TMEM161B: variants seen among roughly 807,000 people sequenced by gnomAD.
TMEM161B encodes transmembrane protein 161B.
A neutral mutation model predicts 61.8 loss-of-function variants in TMEM161B; 34 were observed. The ratio of observed to expected loss-of-function variants is 0.55; its 90% CI spans 0.42 to 0.73. The LOEUF (loss-of-function observed/expected upper bound fraction) is 0.73, where lower values mean the gene tolerates loss of function less well. TMEM161B is among the 30% of genes least tolerant of loss of function. The pLI is 0.00. For synonymous variants in TMEM161B, 167 were observed against 192.8 expected, an observed-to-expected ratio of 0.87 and a Z score of 1.11; for missense variants, 456 against 558.5, an observed-to-expected ratio of 0.82 and a Z score of 1.85.
At chr5:88,215,325 A>G (rs980584984) in intron 5 of TMEM161B, among the ~76,000 whole-genome samples, 1 of 152,238 alleles carries the variant, frequency 6.6e-6, no homozygotes, top group Non-Finnish European at 1.5e-5. Context: ...CTTCTGCTAT[A>G]TTCCAATCAT....
downstream of TMEM161B, among the ~76,000 whole-genome samples, chr5:88,191,202 C>A (rs1748804191): frequency 6.6e-6 from 1 of 152,152 alleles, no homozygotes; most frequent in Non-Finnish European, 1.5e-5. Flanking sequence ...ACATTAGTAG[C>A]TATTTTCTTT....
intron 5 of TMEM161B, among the ~76,000 whole-genome samples, chr5:88,216,981 A>G (rs1230584458): frequency 6.6e-6 from 1 of 152,244 alleles, no homozygotes; most frequent in Non-Finnish European, 1.5e-5. Flanking sequence ...AGTAAGAAGA[A>G]AGCCAATTCA....
chr5:88,259,408 A>G (rs1407952008), intron 1 of TMEM161B: 1 of 152,222 alleles, frequency 6.6e-6, no homozygotes, highest in Admixed American at 6.6e-5. Flanking sequence ...CCAAGTGGAA[A>G]GAAGAGTCCT....
At chr5:88,194,320 A>C (rs984233724), downstream of TMEM161B, among the ~76,000 whole-genome samples, 3 of 152,120 alleles carry the variant, frequency 2.0e-5, no homozygotes, top group Admixed American at 2.0e-4. Context: ...CAAAGAACAT[A>C]GTTTCATTCT....
chr5:88,257,183 C>T (rs554988159), intron 1 of TMEM161B, among the ~76,000 whole-genome samples: 2 of 152,040 alleles, frequency 1.3e-5, no homozygotes, highest in African/African-American at 4.8e-5. Context: ...GCACGAGAAT[C>T]GCAAGACTGG....
At chr5:88,260,715 G>A (rs1561431232) in intron 1 of TMEM161B, among the ~76,000 whole-genome samples, 3 of 152,166 alleles carry the variant, frequency 2.0e-5, no homozygotes, top group South Asian at 2.1e-4. Flanking sequence ...AGCCTTCCAT[G>A]AGCCACCATG....
intron 5 of TMEM161B, among the ~76,000 whole-genome samples, chr5:88,218,032 G>A (rs1247919032): frequency 2.6e-5 from 4 of 151,684 alleles, no homozygotes; most frequent in Non-Finnish European, 5.9e-5. Context: ...AAGAGGTTGT[G>A]AAAATTAAAA....
intron 5 of TMEM161B, among the ~76,000 whole-genome samples, chr5:88,212,951 T>C (rs1747106939): frequency 6.6e-6 from 1 of 152,254 alleles, no homozygotes; most frequent in Non-Finnish European, 1.5e-5. Flanking sequence ...CACAAATTTA[T>C]GATTATCTCT....
chr5:88,222,494 T>C (rs571790781), intron 4 of TMEM161B, among the ~76,000 whole-genome samples: 7 of 152,088 alleles, frequency 4.6e-5, no homozygotes, highest in Admixed American at 1.3e-4. Flanking sequence ...AAATCACCCA[T>C]ACTGGGCTTT....
chr5:88,247,027 C>T (rs1753708180), intron 1 of TMEM161B, among the ~76,000 whole-genome samples: 1 of 151,954 alleles, frequency 6.6e-6, no homozygotes, highest in African/African-American at 2.4e-5. Context: ...AGCTCATAAG[C>T]ACCCAAGAAG....
downstream of TMEM161B, among the ~76,000 whole-genome samples, chr5:88,187,808 T>C (rs1748447837): frequency 1.3e-5 from 2 of 152,208 alleles, no homozygotes; most frequent in Admixed American, 6.5e-5. Flanking sequence ...TAGTATTTCA[T>C]TGGTTTTTGC....
chr5:88,257,993 T>C (rs1406686353), intron 1 of TMEM161B, among the ~76,000 whole-genome samples: 1 of 152,174 alleles, frequency 6.6e-6, no homozygotes, highest in Admixed American at 6.5e-5. Flanking sequence ...ACATTTTCTT[T>C]TCAGTGGCTA....
chr5:88,208,167 C>A (rs1279816305), intron 5 of TMEM161B, among the ~76,000 whole-genome samples: 2 of 151,920 alleles, frequency 1.3e-5, no homozygotes, highest in Non-Finnish European at 2.9e-5. Flanking sequence ...CTGGCCAACA[C>A]GGCGAAACCC....
intron 2 of TMEM161B, among the ~76,000 whole-genome samples, chr5:88,229,904 A>G (rs1237097949): frequency 1.3e-5 from 2 of 151,794 alleles, no homozygotes; most frequent in Non-Finnish European, 2.9e-5. Context: ...TTGCTGTTTT[A>G]AAAACACGGC....
chr5:88,228,577 A>C, intron 2 of TMEM161B, 49 bp from the exon 3 acceptor site: 1 of 1,243,464 alleles, frequency 8.0e-7, no homozygotes, highest in Non-Finnish European at 1.1e-6. Flanking sequence ...AATCACCAGA[A>C]TTATTCTTCA....
intron 2 of TMEM161B, among the ~76,000 whole-genome samples, chr5:88,234,457 TAC>T (rs1347097266): frequency 2.0e-5 from 3 of 152,188 alleles, no homozygotes; most frequent in Non-Finnish European, 4.4e-5. Context: ...AACCTACAAG[TAC>T]AGTTTCACAA....
At position 88,257,665 on chromosome 5, in the gene TMEM161B, T is replaced by C. The variant is rs1351107948; in HGVS notation, c.3+11056A>G. 4.6e-5 allele frequency among the ~76,000 whole-genome samples: 7 copies of C among 152,320 alleles called. No individual in the cohort carries two copies. In the South Asian group the frequency reaches 6.2e-4, roughly 14 times the overall value. ...TTTTAGCTAAATACACAATTAATCATTGGCATTCACAGATTTAACATTTCT... is the reference window on the plus strand; with the variant it reads ...TTTTAGCTAAATACACAATTAATCACTGGCATTCACAGATTTAACATTTCT... On this transcript the variant is annotated intron_variant, in intron 1 of 11. Coordinates refer to ENST00000296595, the MANE Select transcript of TMEM161B (RefSeq NM_153354.5).
At chr5:88,267,772 C>T (rs932101486) in intron 1 of TMEM161B, among the ~76,000 whole-genome samples, 1 of 152,084 alleles carries the variant, frequency 6.6e-6, no homozygotes, top group Non-Finnish European at 1.5e-5. Context: ...ATAACAAGGC[C>T]ATAACTAGAC....
chr5:88,235,925 G>T (rs1327096491), intron 2 of TMEM161B, among the ~76,000 whole-genome samples: 1 of 152,130 alleles, frequency 6.6e-6, no homozygotes, highest in African/African-American at 2.4e-5. Flanking sequence ...GAACATTCTG[G>T]AACTGGAAGT....
Sources: allele counts gnomAD v4.1 joint callset (sites outside exome capture counted in the v4.1 genomes callset), GRCh38; gene constraint gnomAD v4.1.1; transcripts MANE v1.5; gene names NCBI Gene and HGNC (gene_info 2026-07-23, HGNC 2026-07-21).